Variants in DGLUCY observed in about 807,000 individuals in gnomAD.
DGLUCY encodes the protein D-glutamate cyclase, mitochondrial.
DGLUCY carries 58 observed loss-of-function variants against 58.5 expected under a neutral mutation model. The ratio of observed to expected loss-of-function variants is 0.99; its 90% CI spans 0.80 to 1.23. The LOEUF (loss-of-function observed/expected upper bound fraction) is 1.23. Ranked by LOEUF, DGLUCY falls within the 50% of genes most tolerant of loss-of-function variation. DGLUCY has a pLI of 0.00. For synonymous variants in DGLUCY, 325 were observed against 314.1 expected (o/e 1.03, Z -0.37); for missense variants, 779 against 784.7 (o/e 0.99, Z 0.09).
chr14:91,163,673 G>A (rs1163283367), intron 3 of DGLUCY, among the ~76,000 whole-genome samples: 2 of 152,286 alleles, frequency 1.3e-5, no homozygotes, highest in Non-Finnish European at 2.9e-5. Context: ...GTGATGAAAT[G>A]AGGCAAGCTC....
intron 1 of DGLUCY, among the ~76,000 whole-genome samples, chr14:91,142,813 CACACACACAACACACCATCTCTACTAA>C (rs1213996137): frequency 1.8e-3 from 5 of 2,794 alleles, no homozygotes; most frequent in Non-Finnish European, 0.014. Flanking sequence ...AACACACACA[CACACACACAACACACCATCTCTACTAA>C]ACACACACAC....
At chr14:91,116,917 C>G (rs2044995660) in intron 1 of DGLUCY, among the ~76,000 whole-genome samples, 2 of 146,156 alleles carry the variant, frequency 1.4e-5, no homozygotes, top group South Asian at 4.4e-4. Context: ...GCACTCCAGC[C>G]TGGCGACAGA....
chr14:91,158,329 A>G (rs918795550), intron 2 of DGLUCY, among the ~76,000 whole-genome samples: 2 of 152,052 alleles, frequency 1.3e-5, no homozygotes, highest in Non-Finnish European at 2.9e-5. Flanking sequence ...ACCCCCTCCC[A>G]CTAGCCTGCG....
intron 1 of DGLUCY, among the ~76,000 whole-genome samples, chr14:91,069,018 A>G (rs1481076905): frequency 6.6e-6 from 1 of 152,218 alleles, no homozygotes; most frequent in African/African-American, 2.4e-5. Flanking sequence ...GAGTGAAGTA[A>G]GTTTAGGTGG....
intron 1 of DGLUCY, among the ~76,000 whole-genome samples, chr14:91,120,787 C>G (rs1432697480): frequency 1.3e-5 from 2 of 152,204 alleles, no homozygotes; most frequent in African/African-American, 2.4e-5. Context: ...TCTGGCAAGT[C>G]TACCTCTTCC....
chr14:91,073,964 A>G (rs2043965073), intron 1 of DGLUCY, among the ~76,000 whole-genome samples: 1 of 151,732 alleles, frequency 6.6e-6, no homozygotes, highest in Non-Finnish European at 1.5e-5. Flanking sequence ...CTACAAAAAA[A>G]TTTAAAAATT....
chr14:91,187,430 ACT>A (rs574598737), intron 8 of DGLUCY, among the ~76,000 whole-genome samples: 80 of 152,314 alleles, frequency 5.3e-4, no homozygotes, highest in African/African-American at 1.9e-3. Context: ...CTTCGCGTGC[ACT>A]GTTTTGCTCT....
Position 91,189,006 on chromosome 14 carries a change from TC to T in DGLUCY, c.1035del (p.Thr346HisfsTer33). 1.9e-6 allele frequency: 3 copies of T among 1,614,138 alleles called. No homozygotes were observed. The highest frequency in any genetic ancestry group is 2.2e-5 in the East Asian group (1 of 44,880). On this transcript the variant is annotated frameshift_variant, in exon 9 of 14. Transcript: ENST00000256324. LOFTEE classifies it high-confidence loss of function. ...CGCTCAGTGCTCATCACCACTGGGT[TC>T]CCCACACATTTCAATCATGAGCCTC... ...HARSVLITTG[F>X]PTHFNHEPPE... is the part of the protein sequence containing the mutation.
intron 13 of DGLUCY, chr14:91,220,778 G>T (rs530081895): frequency 2.3e-6 from 1 of 429,376 alleles, no homozygotes; most frequent in South Asian, 1.6e-5. Context: ...CCTCGTCATT[G>T]CCTGTGCCAG....
chr14:91,167,335 G>A lies in DGLUCY; in HGVS notation c.214G>A (p.Glu72Lys), dbSNP rs2048337614. 6.2e-7 allele frequency: 1 copy of A among 1,613,942 alleles called. No homozygotes were observed. The highest frequency in any genetic ancestry group is 1.1e-5 in the South Asian group (1 of 91,074). ...PLPLLGQSEP[E>K]KWMLPPQGAI... ...ACCCCTGCTGGGCCAGAGTGAGCCAGAAAAGTGGATGCTGCCCCCTCAAGG... is the reference window on the plus strand; with the variant it reads ...ACCCCTGCTGGGCCAGAGTGAGCCAAAAAAGTGGATGCTGCCCCCTCAAGG... Residue 72 changes from glutamate to lysine, a missense_variant, in exon 4 of 14, where the codon GAA becomes AAA. Glu to Lys is a moderately conservative substitution (Grantham distance 56). Coordinates refer to ENST00000256324, the MANE Select transcript of DGLUCY (RefSeq NM_001102368.3).
At chr14:91,193,342 C>A (rs899868176) in intron 9 of DGLUCY, among the ~76,000 whole-genome samples, 1 of 152,194 alleles carries the variant, frequency 6.6e-6, no homozygotes, top group South Asian at 2.1e-4. Context: ...CCTCTCTGCT[C>A]ACCTGACAGC....
rs1887467180 is a variant in DGLUCY, at chr14:91,221,377, A to G, written c.1717-3307A>G. On this transcript the variant is annotated intron_variant, in intron 13 of 13. Transcript: ENST00000256324. The stretch of plus-strand genomic sequence containing the variant: ...GGATGGAGAGATGATGGATGCATGG[A>G]TGGATGGATAGATGGATGGGTGGAT... Among the ~76,000 whole-genome samples the G allele has an allele frequency of 1.3e-5, 2 of 152,288 alleles. 1 individual carries two copies.
chr14:91,203,786 C>T (rs1318234211), intron 11 of DGLUCY, among the ~76,000 whole-genome samples: 3 of 151,900 alleles, frequency 2.0e-5, no homozygotes, highest in South Asian at 2.1e-4. Context: ...AAGTGATTCT[C>T]CTGGCTCAGC....
At chr14:91,140,505 C>G (rs1309120485) in intron 1 of DGLUCY, among the ~76,000 whole-genome samples, 1 of 152,132 alleles carries the variant, frequency 6.6e-6, no homozygotes, top group African/African-American at 2.4e-5. Context: ...AACCCCATCT[C>G]TACTAAAATA....
intron 1 of DGLUCY, among the ~76,000 whole-genome samples, chr14:91,078,527 C>T (rs771591035): frequency 1.3e-5 from 2 of 152,192 alleles, no homozygotes; most frequent in Non-Finnish European, 2.9e-5. Context: ...CATCCCCCCA[C>T]GCCTTCATTC....
intron 1 of DGLUCY, among the ~76,000 whole-genome samples, chr14:91,151,290 TGTGCAGTGGCGTGATCTCGGCTCA>T (rs1296876966): frequency 5.3e-5 from 8 of 152,042 alleles, no homozygotes; most frequent in Non-Finnish European, 1.2e-4. Context: ...CCCAGGCTGG[TGTGCAGTGGCGTGATCTCGGCTCA>T]CTGCAAGCTC....
intron 3 of DGLUCY, among the ~76,000 whole-genome samples, chr14:91,162,330 CAG>C (rs1374988171): frequency 1.3e-5 from 2 of 152,186 alleles, no homozygotes; most frequent in African/African-American, 4.8e-5. Context: ...TAAAAGGACT[CAG>C]AGAAATCACT....
chr14:91,118,106 A>C (rs925314458), intron 1 of DGLUCY, among the ~76,000 whole-genome samples: 4 of 106,860 alleles, frequency 3.7e-5, no homozygotes, highest in African/African-American at 1.5e-4. Context: ...TTTTAGACGG[A>C]GTCTCACTCT....
chr14:91,151,803 C>T (rs963674596), intron 1 of DGLUCY, among the ~76,000 whole-genome samples: 12 of 151,880 alleles, frequency 7.9e-5, no homozygotes, highest in South Asian at 2.1e-4. Flanking sequence ...TACAGGCGTG[C>T]GCCTCCACAC....
Sources: allele counts gnomAD v4.1 joint callset (sites outside exome capture counted in the v4.1 genomes callset), GRCh38; gene constraint gnomAD v4.1.1; transcripts MANE v1.5; gene names NCBI Gene and HGNC (gene_info 2026-07-23, HGNC 2026-07-21).